The following DCAF1 variants were observed in gnomAD, a reference collection of about 807,000 sequenced individuals.
DCAF1 encodes the protein DDB1- and CUL4-associated factor 1.
Under a neutral mutation model 128.0 loss-of-function variants are expected in DCAF1, and 15 were observed. The observed-to-expected ratio is 0.12, with a 90% CI of 0.08 to 0.18. The LOEUF (loss-of-function observed/expected upper bound fraction) is 0.18, where lower values mean the gene tolerates loss of function less well. Among genes scored for constraint, DCAF1 ranks in the 10% least tolerant of loss-of-function variants. DCAF1 has a pLI of 1.00. For missense variants in DCAF1, 988 were observed against 1,649.5 expected (o/e 0.60, Z 6.95); for synonymous variants, 610 against 603.0 (o/e 1.01, Z -0.17).
intron 7 of DCAF1, 64 bp downstream of exon 7, chr3:51,443,702 A>G: frequency 7.0e-7 from 1 of 1,420,034 alleles, no homozygotes; most frequent in East Asian, 2.4e-5. Flanking sequence ...TTCAGATTCA[A>G]GTAACAAGAA....
Position 51,464,868 on chromosome 3 carries a change from T to G in DCAF1, c.262-1641A>C, listed in dbSNP as rs191788454. Among the ~76,000 whole-genome samples the G allele has an allele frequency of 4.0e-5, 6 of 151,876 alleles. No individual in the cohort carries two copies. In the East Asian group the frequency reaches 9.7e-4, roughly 24 times the overall value. On this transcript the variant is annotated intron_variant, in intron 5 of 24. Coordinates refer to ENST00000684031, the MANE Select transcript of DCAF1 (RefSeq NM_001387579.1). ...CGAGAAGGAAGTATCTAAGGAAACGTTGGAGGAGAGGAGGGCCAGAAGGCA... is the reference window on the plus strand; with the variant it reads ...CGAGAAGGAAGTATCTAAGGAAACGGTGGAGGAGAGGAGGGCCAGAAGGCA...
intron 9 of DCAF1, 49 bp downstream of exon 9, chr3:51,440,920 AC>A: frequency 6.7e-7 from 1 of 1,487,840 alleles, no homozygotes; most frequent in Non-Finnish European, 9.2e-7. Context: ...TTAAAAAAAA[AC>A]AAAGTTTTTA....
chr3:51,400,542 T>TA (rs1300402811), intron 24 of DCAF1, among the ~76,000 whole-genome samples: 1 of 152,158 alleles, frequency 6.6e-6, no homozygotes, highest in Non-Finnish European at 1.5e-5. Context: ...TTTAAGCAAG[T>TA]AACTGTCAGG....
intron 7 of DCAF1, among the ~76,000 whole-genome samples, chr3:51,443,091 G>A (rs1449691438): frequency 3.3e-5 from 5 of 151,562 alleles, no homozygotes; most frequent in African/African-American, 1.2e-4. Flanking sequence ...TTGATGGGGG[G>A]GAGGGAAAAA....
intron 2 of DCAF1, among the ~76,000 whole-genome samples, chr3:51,486,246 G>T (rs1009554298): frequency 6.7e-6 from 1 of 148,228 alleles, no homozygotes; most frequent in South Asian, 2.1e-4. Flanking sequence ...AGGCTTGAGT[G>T]CAGTAGCGCG....
chr3:51,491,425 A>G (rs1454826835), intron 2 of DCAF1, among the ~76,000 whole-genome samples: 4 of 152,192 alleles, frequency 2.6e-5, no homozygotes, highest in Non-Finnish European at 5.9e-5. Flanking sequence ...ATGGAACAGC[A>G]TGGCACTGAC....
At chr3:51,449,027 A>G (rs1702127389) in intron 6 of DCAF1, among the ~76,000 whole-genome samples, 1 of 152,278 alleles carries the variant, frequency 6.6e-6, no homozygotes, top group East Asian at 1.9e-4. Context: ...ACTAGAAATC[A>G]ACAATATCGC....
chr3:51,489,678 G>A (rs975820005), intron 2 of DCAF1, among the ~76,000 whole-genome samples: 8 of 151,580 alleles, frequency 5.3e-5, no homozygotes, highest in African/African-American at 1.9e-4. Context: ...TCCCAGCTTC[G>A]GGGGAGGCTG....
chr3:51,457,777 G>A (rs1434397924), intron 6 of DCAF1, among the ~76,000 whole-genome samples: 1 of 152,144 alleles, frequency 6.6e-6, no homozygotes, highest in Non-Finnish European at 1.5e-5. Flanking sequence ...TTAAAGAAAA[G>A]AATTTTCAAC....
chr3:51,505,233 C>T, the DCAF1 span, among the ~76,000 whole-genome samples: 2 of 151,858 alleles, frequency 1.3e-5, no homozygotes, highest in African/African-American at 4.8e-5. Flanking sequence ...CACTGCACTC[C>T]AGCCTAGGCA....
At chr3:51,410,524 A>ACAT (rs1698304589) in intron 23 of DCAF1, among the ~76,000 whole-genome samples, 3 of 9,410 alleles carry the variant, frequency 3.2e-4, no homozygotes, top group Non-Finnish European at 1.0e-3. Context: ...AATCTCAACA[A>ACAT]AACACTCTTG....
At chr3:51,406,619 C>A (rs576432255) in intron 23 of DCAF1, among the ~76,000 whole-genome samples, 2 of 152,134 alleles carry the variant, frequency 1.3e-5, no homozygotes, top group African/African-American at 4.8e-5. Context: ...AAACAACTCA[C>A]CCCTTTCCTT....
chr3:51,410,688 G>A (rs1390625387), intron 23 of DCAF1, among the ~76,000 whole-genome samples: 3 of 152,196 alleles, frequency 2.0e-5, no homozygotes, highest in Non-Finnish European at 2.9e-5. Context: ...AAGCTGTTTT[G>A]AAAGGACGCT....
At position 51,441,078 on chromosome 3, in the gene DCAF1, T is replaced by G. The variant is rs1553638515; in HGVS notation, c.1027-7A>C. ...GCATGAATATGGGAAGTAGCTGAAA[T>G]GAACACCAAATACAAGTCTTAAATT... On this transcript the variant is annotated splice_polypyrimidine_tract_variant and splice_region_variant and intron_variant, in intron 8 of 24. Coordinates refer to ENST00000684031, the MANE Select transcript of DCAF1 (RefSeq NM_001387579.1). 2 of 1,605,362 alleles carry G rather than the reference T, an allele frequency of 1.2e-6. No homozygotes were observed. The highest frequency in any genetic ancestry group is 1.7e-6 in the Non-Finnish European group (2 of 1,175,400).
chr3:51,401,833 G>A (rs2089722527), intron 24 of DCAF1, among the ~76,000 whole-genome samples: 2 of 152,182 alleles, frequency 1.3e-5, no homozygotes, highest in African/African-American at 2.4e-5. Flanking sequence ...CTATTCACAC[G>A]TGACAAAAAC....
intron 3 of DCAF1, among the ~76,000 whole-genome samples, chr3:51,471,989 G>GACC (rs1333301665): frequency 6.6e-6 from 1 of 152,014 alleles, no homozygotes; most frequent in African/African-American, 2.4e-5. Context: ...TCCTCATCCA[G>GACC]ACCACCATCA....
intron 2 of DCAF1, among the ~76,000 whole-genome samples, chr3:51,486,998 A>G (rs1172813634): frequency 7.3e-6 from 1 of 136,752 alleles, no homozygotes; most frequent in African/African-American, 2.8e-5. Flanking sequence ...AGACAGAGTC[A>G]CACTCTGTCG....
At chr3:51,475,490 C>T (rs782429289) in intron 3 of DCAF1, among the ~76,000 whole-genome samples, 9 of 152,150 alleles carry the variant, frequency 5.9e-5, no homozygotes, top group Non-Finnish European at 1.0e-4. Context: ...ATCCTGTAGT[C>T]CCTGCTACTC....
At chr3:51,475,622 G>A (rs1441812503) in intron 3 of DCAF1, among the ~76,000 whole-genome samples, 1 of 152,204 alleles carries the variant, frequency 6.6e-6, no homozygotes, top group East Asian at 1.9e-4. Flanking sequence ...AGCACTTTGG[G>A]AGGCTGAGGT....
Sources: allele counts gnomAD v4.1 joint callset (sites outside exome capture counted in the v4.1 genomes callset), GRCh38; gene constraint gnomAD v4.1.1; transcripts MANE v1.5; gene names NCBI Gene and HGNC (gene_info 2026-07-23, HGNC 2026-07-21).